Variants in GRM7 observed in about 807,000 individuals in gnomAD.
The protein encoded by GRM7 is glutamate metabotropic receptor 7.
GRM7 carries 35 observed loss-of-function variants against 84.5 expected under a neutral mutation model. The ratio of observed to expected loss-of-function variants is 0.41; its 90% CI spans 0.32 to 0.55. The LOEUF is 0.55. Among genes scored for constraint, GRM7 ranks in the 20% least tolerant of loss-of-function variants. The probability of loss-of-function intolerance (pLI) is 0.19; values close to 1 mark genes in which losing one functional copy is unlikely to be tolerated. For missense variants in GRM7, 1,003 were observed against 1,194.6 expected (o/e 0.84, Z 2.36); for synonymous variants, 487 against 455.1 (o/e 1.07, Z -0.89).
intron 2 of GRM7, among the ~76,000 whole-genome samples, chr3:7,220,345 G>A (rs565251659): frequency 3.3e-5 from 5 of 152,256 alleles, no homozygotes; most frequent in East Asian, 3.9e-4. Context: ...CCCTTGACAC[G>A]TTGTAATGAG....
chr3:7,404,428 T>C (rs1375446214), intron 4 of GRM7, among the ~76,000 whole-genome samples: 1 of 152,192 alleles, frequency 6.6e-6, no homozygotes, highest in African/African-American at 2.4e-5. Context: ...TTCTGAGAAC[T>C]AACCATCAGG....
At chr3:6,981,070 A>T (rs994146040) in intron 1 of GRM7, among the ~76,000 whole-genome samples, 1 of 152,212 alleles carries the variant, frequency 6.6e-6, no homozygotes, top group Non-Finnish European at 1.5e-5. Flanking sequence ...GGTTCTGCCA[A>T]GAATTTTCAG....
chr3:7,392,338 C>G (rs926620812), intron 4 of GRM7, among the ~76,000 whole-genome samples: 7 of 152,218 alleles, frequency 4.6e-5, no homozygotes, highest in Non-Finnish European at 1.0e-4. Context: ...AGGGAAGAGT[C>G]TAATTCCAGC....
intron 4 of GRM7, among the ~76,000 whole-genome samples, chr3:7,411,676 G>A (rs1037592804): frequency 6.6e-5 from 10 of 152,000 alleles, no homozygotes. Context: ...ACATGTTTTT[G>A]TGAACAGCAT....
intron 3 of GRM7, among the ~76,000 whole-genome samples, chr3:7,303,683 CTGT>C (rs1188430333): frequency 5.3e-5 from 8 of 151,756 alleles, no homozygotes; most frequent in South Asian, 2.1e-4. Flanking sequence ...AATATTTTTT[CTGT>C]TGTTGTTATA....
In GRM7 at chr3:7,482,119, C is replaced by T. The variant is rs368889191; in HGVS notation, c.1515+20397C>T. Among the ~76,000 whole-genome samples the T allele has an allele frequency of 4.7e-4, 71 of 152,196 alleles. 2 individuals are homozygous for T. In the South Asian group the frequency reaches 7.5e-3, roughly 16 times the overall value. ...AGGAGAATGGCGTGAACCCAGGAGGCGGAGGTTGCAGTGAGCCGAGATGGC... is the reference window on the plus strand; with the variant it reads ...AGGAGAATGGCGTGAACCCAGGAGGTGGAGGTTGCAGTGAGCCGAGATGGC... On this transcript the variant is annotated intron_variant, in intron 7 of 9. Coordinates refer to ENST00000357716, the MANE Select transcript of GRM7 (RefSeq NM_000844.4).
chr3:7,668,458 C>T (rs1699789490), intron 8 of GRM7, among the ~76,000 whole-genome samples: 1 of 152,216 alleles, frequency 6.6e-6, no homozygotes, highest in African/African-American at 2.4e-5. Context: ...CCTCCTCCTC[C>T]CTTTCTCTCT....
At chr3:6,992,487 C>T (rs1694677799) in intron 1 of GRM7, among the ~76,000 whole-genome samples, 1 of 152,106 alleles carries the variant, frequency 6.6e-6, no homozygotes, top group Non-Finnish European at 1.5e-5. Context: ...CTGCAGGGAA[C>T]AGAATCCAAT....
intron 8 of GRM7, among the ~76,000 whole-genome samples, chr3:7,606,214 A>T (rs1011336755): frequency 6.6e-6 from 1 of 152,198 alleles, no homozygotes; most frequent in African/African-American, 2.4e-5. Context: ...CATAAAACTC[A>T]TAGTAGTAAC....
intron 7 of GRM7, among the ~76,000 whole-genome samples, chr3:7,480,555 A>G (rs950032815): frequency 6.6e-5 from 10 of 152,232 alleles, no homozygotes; most frequent in Non-Finnish European, 1.3e-4. Context: ...ACATTAAATA[A>G]AAAGTAAATG....
intron 2 of GRM7, among the ~76,000 whole-genome samples, chr3:7,159,690 T>A (rs149729976): frequency 4.6e-5 from 7 of 152,268 alleles, no homozygotes; most frequent in African/African-American, 1.7e-4. Context: ...TCTACTCACA[T>A]TAGAAATGTG....
intron 1 of GRM7, among the ~76,000 whole-genome samples, chr3:6,866,913 A>G (rs1414046328): frequency 6.6e-6 from 1 of 152,190 alleles, no homozygotes; most frequent in African/African-American, 2.4e-5. Context: ...AAATGGGAAC[A>G]CTATCTCCTC....
At chr3:7,157,653 C>T (rs960823375) in intron 2 of GRM7, among the ~76,000 whole-genome samples, 7 of 151,698 alleles carry the variant, frequency 4.6e-5, no homozygotes, top group African/African-American at 1.5e-4. Context: ...GAGTTTTTTA[C>T]AGGATAAGAA....
chr3:7,361,211 A>G (rs969085164), intron 4 of GRM7, among the ~76,000 whole-genome samples: 7 of 152,156 alleles, frequency 4.6e-5, no homozygotes, highest in Non-Finnish European at 1.0e-4. Flanking sequence ...ATTTACAAAC[A>G]ATAAGTGTTT....
At chr3:7,652,245 A>C (rs1194801719) in intron 8 of GRM7, among the ~76,000 whole-genome samples, 1 of 152,188 alleles carries the variant, frequency 6.6e-6, no homozygotes, top group Non-Finnish European at 1.5e-5. Flanking sequence ...CACAGGTAAA[A>C]ACAGGACCGT....
chr3:7,011,002 T>G (rs1321168250), intron 1 of GRM7, among the ~76,000 whole-genome samples: 2 of 152,176 alleles, frequency 1.3e-5, no homozygotes, highest in African/African-American at 4.8e-5. Flanking sequence ...TGAGAAACAG[T>G]GCAGTGGATC....
chr3:7,281,090 T>C (rs1366450816), intron 2 of GRM7, among the ~76,000 whole-genome samples: 4 of 152,278 alleles, frequency 2.6e-5, no homozygotes, highest in South Asian at 4.1e-4. Context: ...AAGCTCTTTC[T>C]CCTTCTCCAA....
intron 2 of GRM7, among the ~76,000 whole-genome samples, chr3:7,258,314 G>T (rs1488804183): frequency 6.6e-6 from 1 of 152,114 alleles, no homozygotes; most frequent in African/African-American, 2.4e-5. Context: ...CTTAAACCTA[G>T]AGTGTAGGGG....
At chr3:7,664,593 G>A (rs1315106121) in intron 8 of GRM7, among the ~76,000 whole-genome samples, 2 of 152,126 alleles carry the variant, frequency 1.3e-5, no homozygotes, top group Admixed American at 6.5e-5. Flanking sequence ...CACGTGCAAT[G>A]GTGGTTTACT....
Sources: gnomAD v4.1 joint callset for allele counts (sites outside exome capture counted in the v4.1 genomes callset) on GRCh38, gnomAD v4.1.1 for gene constraint, MANE v1.5 for transcripts, NCBI Gene and HGNC (gene_info 2026-07-23, HGNC 2026-07-21) for gene names.